The following SATB2 variants were observed in gnomAD, a reference collection of about 807,000 sequenced individuals.
The protein encoded by SATB2 is SATB homeobox 2.
Under a neutral mutation model 73.4 loss-of-function variants are expected in SATB2, and 1 was observed. That is an observed-to-expected ratio of 0.01 (90% CI 0.00 to 0.06). SATB2 has a LOEUF of 0.06. Among genes scored for constraint, SATB2 ranks in the 10% least tolerant of loss-of-function variants. The pLI is 1.00. For missense variants in SATB2, 459 were observed against 945.8 expected (o/e 0.49, Z 6.75); for synonymous variants, 397 against 367.0 (o/e 1.08, Z -0.93).
At chr2:199,277,344 G>T (rs552788286) in intron 10 of SATB2, among the ~76,000 whole-genome samples, 1 of 152,060 alleles carries the variant, frequency 6.6e-6, no homozygotes, top group Non-Finnish European at 1.5e-5. Flanking sequence ...AACATATTTC[G>T]ATATAAAAGT....
chr2:199,348,451 A>G, intron 7 of SATB2: 4 of 504,504 alleles, frequency 7.9e-6, no homozygotes, highest in Non-Finnish European at 1.4e-5. Context: ...CATTAGTAAC[A>G]TTTGGGGTCC....
intron 8 of SATB2, among the ~76,000 whole-genome samples, chr2:199,324,779 T>C (rs1687985647): frequency 1.3e-5 from 2 of 152,168 alleles, no homozygotes; most frequent in East Asian, 3.9e-4. Flanking sequence ...CTAGAATGCA[T>C]TGCTGGTGTC....
intron 2 of SATB2, among the ~76,000 whole-genome samples, chr2:199,446,305 C>T (rs982990498): frequency 6.6e-6 from 1 of 152,110 alleles, no homozygotes; most frequent in African/African-American, 2.4e-5. Flanking sequence ...ACATTATCAG[C>T]CTCACAGAAC....
At chr2:199,403,370 G>A (rs560140575) in intron 3 of SATB2, among the ~76,000 whole-genome samples, 20 of 152,016 alleles carry the variant, frequency 1.3e-4, no homozygotes, top group African/African-American at 4.6e-4. Flanking sequence ...GTAATATTAA[G>A]TGAAAAACTA....
intron 6 of SATB2, among the ~76,000 whole-genome samples, chr2:199,357,785 T>G (rs1689029322): frequency 6.6e-6 from 1 of 152,026 alleles, no homozygotes; most frequent in Admixed American, 6.6e-5. Context: ...CCAAAATGAG[T>G]GTCATCAGCA....
At chr2:199,377,984 T>C (rs1255667215) in intron 5 of SATB2, among the ~76,000 whole-genome samples, 1 of 151,846 alleles carries the variant, frequency 6.6e-6, no homozygotes, top group Non-Finnish European at 1.5e-5. Flanking sequence ...ATGATCTCAT[T>C]TGAACGTCAA....
In SATB2 at chr2:199,270,472, G is replaced by A. The variant is rs1396798490; in HGVS notation, c.*1739C>T. On this transcript the variant is annotated 3_prime_UTR_variant, in exon 11 of 11. Transcript: ENST00000417098. ...AGAAAATAACTTTCAAAGTGATATT[G>A]CATGAGGTCTTTGACAAGGTTTTGT... The A allele has an allele frequency of 6.7e-6, 1 of 148,492 alleles. No individual in the cohort carries two copies. Among genetic ancestry groups the A allele is most frequent in the Non-Finnish European group, 1.5e-5 (1 of 67,444 alleles). The allele number at this position is 148,492 out of a possible 1,614,324, so 9.2% of individuals were successfully genotyped here. A position where few individuals can be genotyped will look rare whatever the true frequency, so the allele number is the denominator to read the frequency against.
At chr2:199,335,397 A>G (rs1036215615) in intron 7 of SATB2, among the ~76,000 whole-genome samples, 10 of 152,198 alleles carry the variant, frequency 6.6e-5, no homozygotes, top group African/African-American at 2.4e-4. Context: ...GACTAGGTAT[A>G]CATGTGTATA....
intron 2 of SATB2, among the ~76,000 whole-genome samples, chr2:199,449,710 G>C (rs1692069897): frequency 6.6e-6 from 1 of 152,062 alleles, no homozygotes; most frequent in Non-Finnish European, 1.5e-5. Flanking sequence ...TAAGTAGTAG[G>C]ATGATGAATC....
At chr2:199,305,185 A>G (rs1687394369) in intron 10 of SATB2, among the ~76,000 whole-genome samples, 1 of 152,210 alleles carries the variant, frequency 6.6e-6, no homozygotes, top group African/African-American at 2.4e-5. Flanking sequence ...CACTCAGAGG[A>G]GGGGAGACAG....
chr2:199,438,563 T>G (rs913322738), intron 2 of SATB2, among the ~76,000 whole-genome samples: 28 of 152,326 alleles, frequency 1.8e-4, no homozygotes, highest in Admixed American at 1.1e-3. Context: ...TTTTAAAGAA[T>G]AGACTTCAGG....
chr2:199,281,331 G>A (rs1271213228), intron 10 of SATB2, among the ~76,000 whole-genome samples: 1 of 151,440 alleles, frequency 6.6e-6, no homozygotes, highest in Non-Finnish European at 1.5e-5. Context: ...GACTGTATAA[G>A]GTGGTTGATC....
intron 9 of SATB2, among the ~76,000 whole-genome samples, chr2:199,314,509 T>C (rs1260012536): frequency 6.6e-6 from 1 of 152,150 alleles, no homozygotes; most frequent in Non-Finnish European, 1.5e-5. Flanking sequence ...TTAACAATTT[T>C]CTGTTGAGCA....
At chr2:199,296,255 TTTGTTG>T (rs1164046572) in intron 10 of SATB2, among the ~76,000 whole-genome samples, 1 of 152,188 alleles carries the variant, frequency 6.6e-6, no homozygotes, top group African/African-American at 2.4e-5. Flanking sequence ...TTTGTTTTGT[TTTGTTG>T]TTGTTGTTTA....
chr2:199,386,692 GCA>G, intron 3 of SATB2, among the ~76,000 whole-genome samples: 1 of 5,166 alleles, frequency 1.9e-4, no homozygotes, highest in South Asian at 0.015. Flanking sequence ...ATACACGTGC[GCA>G]AGCGCGCGCG....
chr2:199,342,141 C>T (rs1404852925), intron 7 of SATB2, among the ~76,000 whole-genome samples: 1 of 152,128 alleles, frequency 6.6e-6, no homozygotes, highest in Non-Finnish European at 1.5e-5. Context: ...CAGACGCAGG[C>T]TTTCAGAAGT....
At position 199,368,599 on chromosome 2, in the gene SATB2, G is replaced by A. The variant is rs755400212; in HGVS notation, c.700+6C>T. On this transcript the variant is annotated splice_donor_region_variant and intron_variant, in intron 6 of 10. Transcript: ENST00000417098. ...ACAGGCTTTACAAACAAAAAAGTCA[G>A]TTTACCTTTAATCTTCTTGTACTTT... is the stretch of plus-strand genomic sequence containing the variant. 41 of 1,561,698 alleles carry A rather than the reference G, an allele frequency of 2.6e-5. No individual in the cohort carries two copies. The highest frequency in any genetic ancestry group is 1.7e-4 in the Middle Eastern group (1 of 5,982).
chr2:199,452,191 C>G (rs968231532), intron 2 of SATB2, among the ~76,000 whole-genome samples: 3 of 151,906 alleles, frequency 2.0e-5, no homozygotes, highest in African/African-American at 7.3e-5. Context: ...GCAAATACAC[C>G]ATCTGGTATA....
At chr2:199,359,264 T>C (rs1207763323) in intron 6 of SATB2, among the ~76,000 whole-genome samples, 3 of 152,208 alleles carry the variant, frequency 2.0e-5, no homozygotes, top group Non-Finnish European at 4.4e-5. Flanking sequence ...TAGGCCATTA[T>C]ATTGAGGAAA....
Sources: gnomAD v4.1 joint callset for allele counts (sites outside exome capture counted in the v4.1 genomes callset) on GRCh38, gnomAD v4.1.1 for gene constraint, MANE v1.5 for transcripts, NCBI Gene and HGNC (gene_info 2026-07-23, HGNC 2026-07-21) for gene names.